The following BOLL variants were observed in gnomAD, a reference collection of about 807,000 sequenced individuals.
BOLL encodes the protein boule RNA binding protein, also known as protein boule-like.
BOLL carries 23 observed loss-of-function variants against 44.4 expected under a neutral mutation model. The ratio of observed to expected loss-of-function variants is 0.52; its 90% CI spans 0.37 to 0.73. The LOEUF is 0.73. Among genes scored for constraint, BOLL ranks in the 30% least tolerant of loss-of-function variants. The pLI, the probability that BOLL is intolerant of heterozygous loss-of-function variation, is 0.00. For missense variants in BOLL, 287 were observed against 338.3 expected (o/e 0.85, Z 1.19); for synonymous variants, 97 against 110.8 (o/e 0.88, Z 0.78).
intron 9 of BOLL, among the ~76,000 whole-genome samples, chr2:197,748,837 C>T (rs1348074108): frequency 4.6e-5 from 7 of 152,224 alleles, no homozygotes; most frequent in South Asian, 2.1e-4. Flanking sequence ...TCCTGCCTGC[C>T]GGCTCTGAAG....
intron 9 of BOLL, among the ~76,000 whole-genome samples, chr2:197,754,638 T>G (rs1482314725): frequency 6.6e-6 from 1 of 151,834 alleles, no homozygotes; most frequent in African/African-American, 2.4e-5. Context: ...CACTCGAACC[T>G]GGGAGGTGGA....
chr2:197,738,462 A>G (rs926214817), intron 10 of BOLL, among the ~76,000 whole-genome samples: 26 of 152,026 alleles, frequency 1.7e-4, no homozygotes, highest in African/African-American at 6.0e-4. Flanking sequence ...AGTTACCTCT[A>G]TATTGGTCTG....
intron 3 of BOLL, 128 bp from the exon 4 acceptor site, chr2:197,777,241 G>T (rs1689556697): frequency 4.4e-6 from 2 of 459,202 alleles, no homozygotes; most frequent in South Asian, 1.1e-4. Context: ...TTTCTATGCT[G>T]CACTAGCATG....
intron 7 of BOLL, among the ~76,000 whole-genome samples, chr2:197,760,416 C>T (rs921204034): frequency 3.3e-5 from 5 of 152,278 alleles, no homozygotes; most frequent in South Asian, 2.1e-4. Flanking sequence ...CCCAGGCCAG[C>T]GAAGGAGCCA....
chr2:197,730,707 C>A (rs1687121992), intron 10 of BOLL, among the ~76,000 whole-genome samples: 1 of 150,852 alleles, frequency 6.6e-6, no homozygotes. Flanking sequence ...CATATCCAGC[C>A]AAACTAAGCT....
rs567633316 is a variant in BOLL at position 197,728,833 on chromosome 2, TAAATA to T, written c.829-260_829-256del. Among the ~76,000 whole-genome samples the T allele has an allele frequency of 4.2e-3, 638 of 152,288 alleles. 4 individuals carry two copies. The highest frequency in any genetic ancestry group is 0.017 in the Middle Eastern group (5 of 292). Reference sequence around the variant, plus strand: ...CTAGTGTTACAGTATAAATGTTGAGTAAATAAAATGAGGGATGGGTCAGCACAGAT... The same window carrying T: ...CTAGTGTTACAGTATAAATGTTGAGTAAATGAGGGATGGGTCAGCACAGAT... On this transcript the variant is annotated intron_variant, in intron 10 of 10. Transcript: ENST00000392296.
At chr2:197,782,171 G>C (rs1351111449) in intron 1 of BOLL, among the ~76,000 whole-genome samples, 1 of 152,098 alleles carries the variant, frequency 6.6e-6, no homozygotes, top group African/African-American at 2.4e-5. Context: ...TCATGAACAT[G>C]TTTGAGAAAG....
In BOLL at chr2:197,727,217, A is replaced by C. The variant is rs1686889575; in HGVS notation, c.*1338T>G. The C allele has an allele frequency of 2.6e-5, 4 of 152,324 alleles. No individual in the cohort carries two copies. The highest frequency in any genetic ancestry group is 2.6e-4 in the Admixed American group (4 of 15,278). The allele number at this position is 152,324 out of a possible 1,614,324, so 9.4% of individuals were successfully genotyped here. A position where few individuals can be genotyped will look rare whatever the true frequency, so the allele number is the denominator to read the frequency against. ...ATTCATTACAGTTTCAAAAGAAAAC[A>C]CCCTATTTGACTCACCAGAAAAACC... On this transcript the variant is annotated 3_prime_UTR_variant, in exon 11 of 11. Coordinates refer to ENST00000392296, the MANE Select transcript of BOLL (RefSeq NM_033030.6).
rs749175418 is a variant in BOLL, at chr2:197,781,782, A to C, written c.69T>G (p.Ser23Arg). The change falls in exon 2 of 11, where the codon AGT (serine) becomes AGG (arginine). Residue 23 changes from serine to arginine, a missense_variant. Transcript: ENST00000392296. Reference protein sequence around the residue: ...VSPVPLNNPTSAPRYGTVIPN... With the variant: ...VSPVPLNNPTRAPRYGTVIPN... The stretch of plus-strand genomic sequence containing the variant: ...GGATCACTGTTCCATATCTTGGGGC[A>C]CTTGTTGGGTTATTCAAAGGCACAG... The C allele has an allele frequency of 1.2e-6, 2 of 1,607,364 alleles. No homozygotes were observed. Among genetic ancestry groups the C allele is most frequent in the Middle Eastern group, 3.3e-4 (2 of 6,034 alleles).
At chr2:197,757,448 G>GATATCT (rs754514055) in intron 7 of BOLL, 48 bp from the exon 8 acceptor site, 1 of 1,533,922 alleles carries the variant, frequency 6.5e-7, no homozygotes, top group Admixed American at 1.8e-5. Context: ...TTATAAACAA[G>GATATCT]GGTTAAAACT....
intron 9 of BOLL, among the ~76,000 whole-genome samples, chr2:197,755,358 C>T (rs557996439): frequency 6.6e-6 from 1 of 152,316 alleles, no homozygotes; most frequent in Non-Finnish European, 1.5e-5. Context: ...GACCTAGAGG[C>T]AGAAATACCA....
At chr2:197,781,660 A>G (rs1689790614) in intron 2 of BOLL, 62 bp downstream of exon 2, 2 of 1,340,800 alleles carry the variant, frequency 1.5e-6, no homozygotes, top group African/African-American at 2.9e-5. Context: ...CAAAGAAATA[A>G]TTTCTGAGAA....
rs536669127 is a variant in BOLL, at chr2:197,773,659, G to A, written c.353-1677C>T. 3.3e-5 allele frequency among the ~76,000 whole-genome samples: 5 copies of A among 152,020 alleles called. No homozygotes were observed. In the South Asian group the frequency reaches 1.0e-3, roughly 32 times the overall value. ...AAGTACATTCTAGGTAAAGAAAACA[G>A]TATATTAGATTCTGAGAACAGGAGT... On this transcript the variant is annotated intron_variant, in intron 5 of 10. Transcript: ENST00000392296.
In BOLL at chr2:197,743,124, G is replaced by C; in HGVS notation, c.765C>G (p.His255Gln). The change falls in exon 10 of 11, where the codon CAC becomes CAG. Residue 255 changes from histidine to glutamine, a missense_variant. By Grantham distance (24) the His-to-Gln change is conservative. Transcript: ENST00000392296. ...TGATGGCACTTGGAGCATAAACCTG[G>C]TGATATGTTGCTTGAACTCCATGAT... Reference protein sequence around the residue: ...YSDHGVQATYHQVYAPSAITM... With the variant: ...YSDHGVQATYQQVYAPSAITM... 1 of 1,604,812 alleles carries C rather than the reference G, an allele frequency of 6.2e-7. No homozygotes were observed.
At chr2:197,773,952 G>GA in intron 5 of BOLL, 1 of 421,904 alleles carries the variant, frequency 2.4e-6, no homozygotes, top group Non-Finnish European at 4.8e-6. Flanking sequence ...ACAGATCTAA[G>GA]AAAAAACTAA....
At chr2:197,744,818 A>C (rs1256450413) in intron 9 of BOLL, among the ~76,000 whole-genome samples, 1 of 152,222 alleles carries the variant, frequency 6.6e-6, no homozygotes, top group Non-Finnish European at 1.5e-5. Context: ...AAGCAAGACC[A>C]TGAAGGGTTA....
At chr2:197,786,010 C>T (rs201868547), upstream of BOLL, 567 of 1,612,282 alleles carry the variant, frequency 3.5e-4, no homozygotes, top group Non-Finnish European at 4.4e-4. The surrounding 1 kb of genome is among the most constrained non-coding windows in gnomAD (Gnocchi z 5.9). Context: ...CCATCTTCCT[C>T]TCTGCTCTTC....
In BOLL at chr2:197,727,216, C is replaced by A. The variant is rs554652041; in HGVS notation, c.*1339G>T. The A allele has an allele frequency of 6.6e-6, 1 of 152,428 alleles. No individual in the cohort carries two copies. Among genetic ancestry groups the A allele is most frequent in the East Asian group, 1.9e-4 (1 of 5,326 alleles). 9.4% of individuals were successfully genotyped at this position (152,428 alleles called of 1,614,324 possible). ...TATTCATTACAGTTTCAAAAGAAAA[C>A]ACCCTATTTGACTCACCAGAAAAAC... On this transcript the variant is annotated 3_prime_UTR_variant, in exon 11 of 11. Transcript: ENST00000392296.
At chr2:197,765,704 T>A (rs1435250545) in intron 7 of BOLL, among the ~76,000 whole-genome samples, 1 of 152,078 alleles carries the variant, frequency 6.6e-6, no homozygotes, top group African/African-American at 2.4e-5. Context: ...ATTTTACTTA[T>A]TTTTAAAACT....
Sources: allele counts gnomAD v4.1 joint callset (sites outside exome capture counted in the v4.1 genomes callset), GRCh38; gene constraint gnomAD v4.1.1; non-coding constraint Gnocchi (gnomAD v3.1); transcripts MANE v1.5; gene names NCBI Gene and HGNC (gene_info 2026-07-23, HGNC 2026-07-21).